FGD5: variants seen among roughly 807,000 people sequenced by gnomAD.
FGD5 encodes the protein FYVE, RhoGEF and PH domain containing 5, also known as FYVE, RhoGEF and PH domain-containing protein 5.
Under a neutral mutation model 133.4 loss-of-function variants are expected in FGD5, and 28 were observed. The observed-to-expected ratio is 0.21, with a 90% confidence interval of 0.16 to 0.29. FGD5 has a LOEUF of 0.29. Among genes scored for constraint, FGD5 ranks in the 10% least tolerant of loss-of-function variants. The pLI, the probability that FGD5 is intolerant of heterozygous loss-of-function variation, is 1.00. For synonymous variants in FGD5, 810 were observed against 776.5 expected, an observed-to-expected ratio of 1.04 and a Z score of -0.72; for missense variants, 1,858 against 1,895.2, an observed-to-expected ratio of 0.98 and a Z score of 0.36.
rs915282212 is a variant in FGD5 at position 14,922,754 on chromosome 3, C to T, written c.3807+206C>T. On this transcript the variant is annotated intron_variant, in intron 15 of 19. Transcript: ENST00000285046. The surrounding 1 kb of genome is among the most constrained non-coding windows in gnomAD (Gnocchi z 4.1). The stretch of plus-strand genomic sequence containing the variant: ...AGCTCCAAGTCCCAGGCCTCTTCCA[C>T]ACCACCACGTTTTCAACAGAAAACC... 6.6e-6 allele frequency among the ~76,000 whole-genome samples: 1 copy of T among 152,214 alleles called. No homozygotes were observed. The highest frequency in any genetic ancestry group is 1.9e-4 in the East Asian group (1 of 5,198).
At chr3:14,852,093 C>A (rs2037175158) in intron 1 of FGD5, among the ~76,000 whole-genome samples, 1 of 152,156 alleles carries the variant, frequency 6.6e-6, no homozygotes, top group African/African-American at 2.4e-5. Context: ...AATTCCACTT[C>A]TAGGTATATA....
At chr3:14,916,530 A>G (rs2125149922) in intron 11 of FGD5, among the ~76,000 whole-genome samples, 1 of 152,346 alleles carries the variant, frequency 6.6e-6, no homozygotes, top group East Asian at 1.9e-4. Flanking sequence ...GGTGTCTCCC[A>G]ACCCTTCCTT....
At chr3:14,895,568 TG>T (rs1218017387) in intron 4 of FGD5, among the ~76,000 whole-genome samples, 4 of 152,254 alleles carry the variant, frequency 2.6e-5, no homozygotes, top group Non-Finnish European at 4.4e-5. Context: ...TTTTTTGTTT[TG>T]TTTTTTTGTT....
At chr3:14,862,026 G>A (rs891281440) in intron 1 of FGD5, among the ~76,000 whole-genome samples, 3 of 152,130 alleles carry the variant, frequency 2.0e-5, no homozygotes, top group African/African-American at 7.2e-5. Flanking sequence ...CAGAGGCTGT[G>A]CTAGAGATGC....
At chr3:14,843,873 T>G (rs1409851176) in intron 1 of FGD5, among the ~76,000 whole-genome samples, 1 of 151,594 alleles carries the variant, frequency 6.6e-6, no homozygotes, top group African/African-American at 2.4e-5. Context: ...TTTGTATTTT[T>G]TAGTAGAGAT....
chr3:14,914,074 T>C (rs894470701), intron 11 of FGD5, among the ~76,000 whole-genome samples: 9 of 152,212 alleles, frequency 5.9e-5, no homozygotes, highest in Admixed American at 3.9e-4. Context: ...CTTCTTCCTC[T>C]GGCTCAGCGC....
At chr3:14,851,458 G>A (rs2037161928) in intron 1 of FGD5, among the ~76,000 whole-genome samples, 1 of 152,162 alleles carries the variant, frequency 6.6e-6, no homozygotes, top group Non-Finnish European at 1.5e-5. Context: ...CAGTCCCAGA[G>A]ATGACCAAAA....
Position 14,924,089 on chromosome 3 carries a change from A to T in FGD5, c.4019A>T (p.Asn1340Ile). ...TTTTCATCCGTCTTCCAGAGCATTA[A>T]CCCCTCGACCTTCAAGAAGCAGAAG... Reference protein sequence around the residue: ...SAFSSVFQSINPSTFKKQKKV... With the variant: ...SAFSSVFQSIIPSTFKKQKKV... Residue 1340 changes from asparagine (N) to isoleucine (I), a missense_variant, in exon 17 of 20, where the codon AAC (asparagine) becomes ATC (isoleucine). By Grantham distance (149) the Asn-to-Ile change is moderately radical (BLOSUM62 -3). Around this residue, in one of 3 missense-constraint regions of FGD5, gnomAD observed 1,824 missense variants for 1,848.9 expected, o/e 0.99. Coordinates refer to ENST00000285046, the MANE Select transcript of FGD5 (RefSeq NM_152536.4). The T allele has an allele frequency of 6.2e-7, 1 of 1,613,744 alleles. No homozygotes were observed. The highest frequency in any genetic ancestry group is 1.1e-5 in the South Asian group (1 of 91,050).
At chr3:14,830,572 A>C (rs1313894688) in intron 1 of FGD5, among the ~76,000 whole-genome samples, 1 of 152,358 alleles carries the variant, frequency 6.6e-6, no homozygotes, top group East Asian at 1.9e-4. Flanking sequence ...GGAGGTGTGA[A>C]TATAATTCTC....
intron 2 of FGD5, among the ~76,000 whole-genome samples, chr3:14,866,512 G>A (rs890470467): frequency 1.3e-5 from 2 of 152,128 alleles, no homozygotes; most frequent in African/African-American, 2.4e-5. Context: ...GGACTAAGAA[G>A]TTCAGACTCA....
At chr3:14,842,702 C>T (rs2036946991) in intron 1 of FGD5, among the ~76,000 whole-genome samples, 2 of 152,246 alleles carry the variant, frequency 1.3e-5, no homozygotes, top group African/African-American at 4.8e-5. Flanking sequence ...TTTTGGAACC[C>T]TCTGCCATCT....
chr3:14,932,609 A>G lies in FGD5; in HGVS notation c.4230A>G (p.Leu1410=). The G allele has an allele frequency of 1.2e-6, 2 of 1,613,948 alleles. No homozygotes were observed. Among genetic ancestry groups the G allele is most frequent in the Non-Finnish European group, 1.7e-6 (2 of 1,179,826 alleles). ...TGGCCTTGGAGAGTATGCCTCTGCT[A>G]GGCTTCACCATTGCTCCAGAAAAGG... ...DKVALESMPL[L]GFTIAPEKEE... The change falls in exon 19 of 20, where the codon CTA becomes CTG. Residue 1410 remains leucine (L), a synonymous_variant. Coordinates refer to ENST00000285046, the MANE Select transcript of FGD5 (RefSeq NM_152536.4).
rs767544782 is a variant in FGD5 at position 14,933,245 on chromosome 3, A to G, written c.*78A>G. The G allele has an allele frequency of 7.3e-6, 11 of 1,505,704 alleles. No homozygotes were observed. In the Admixed American group the frequency reaches 1.3e-4, roughly 18 times the overall value. The allele number at this position is 1,505,704 out of a possible 1,614,324, so 93.3% of individuals were successfully genotyped here. On this transcript the variant is annotated 3_prime_UTR_variant, in exon 20 of 20. Coordinates refer to ENST00000285046, the MANE Select transcript of FGD5 (RefSeq NM_152536.4). ...CTTTTAGAAGCTAAGCTGTGGCTCA[A>G]CTCATCCGGACACACACCTGGATTC...
At chr3:14,843,779 C>T (rs937829727) in intron 1 of FGD5, among the ~76,000 whole-genome samples, 1 of 150,504 alleles carries the variant, frequency 6.6e-6, no homozygotes, top group Admixed American at 6.6e-5. Context: ...CAACCTCTGC[C>T]TCCTGGGTTC....
intron 13 of FGD5, chr3:14,921,301 A>G (rs1319604369): frequency 6.5e-6 from 1 of 153,748 alleles, no homozygotes; most frequent in African/African-American, 2.4e-5. Context: ...GGCAGGCTGC[A>G]CACTTACCTG....
chr3:14,826,254 T>G (rs1214170125), intron 1 of FGD5, among the ~76,000 whole-genome samples: 1 of 152,158 alleles, frequency 6.6e-6, no homozygotes, highest in Non-Finnish European at 1.5e-5. Context: ...TCACTCGCTC[T>G]CTCTTTCTTC....
chr3:14,824,297 G>T (rs979914093), intron 1 of FGD5, among the ~76,000 whole-genome samples: 2 of 152,206 alleles, frequency 1.3e-5, no homozygotes, highest in East Asian at 1.9e-4. Context: ...ACTGCCGTGG[G>T]GCTGGGGGAC....
chr3:14,934,557 A>G lies in FGD5; in HGVS notation c.*1390A>G, dbSNP rs1575271469. On this transcript the variant is annotated 3_prime_UTR_variant, in exon 20 of 20. Coordinates refer to ENST00000285046, the MANE Select transcript of FGD5 (RefSeq NM_152536.4). The stretch of plus-strand genomic sequence containing the variant: ...AAATGTTTGCATTAAACATGTAACT[A>G]ATGGTTCACACTAAGTGATTAGACA... 6.6e-6 allele frequency: 1 copy of G among 152,160 alleles called. No individual in the cohort carries two copies. The highest frequency in any genetic ancestry group is 1.5e-5 in the Non-Finnish European group (1 of 68,022). 9.4% of individuals were successfully genotyped at this position (152,160 alleles called of 1,614,324 possible).
chr3:14,825,370 C>T (rs1053016546), intron 1 of FGD5, among the ~76,000 whole-genome samples: 10 of 151,942 alleles, frequency 6.6e-5, no homozygotes, highest in African/African-American at 2.4e-4. Flanking sequence ...TTTGGGAGGC[C>T]AAGGCAGGAG....
Sources: gnomAD v4.1 joint callset for allele counts (sites outside exome capture counted in the v4.1 genomes callset) on GRCh38, gnomAD v4.1.1 for gene constraint, gnomAD v4.1.1 regional missense constraint, Gnocchi (gnomAD v3.1) non-coding constraint, MANE v1.5 for transcripts, NCBI Gene and HGNC (gene_info 2026-07-23, HGNC 2026-07-21) for gene names.